The following BCL2L13 variants were observed in gnomAD, a reference collection of about 807,000 sequenced individuals.
The protein encoded by BCL2L13 is BCL2 like 13, also known as bcl-2-like protein 13.
BCL2L13 carries 13 observed loss-of-function variants against 25.8 expected under a neutral mutation model. That is an observed-to-expected ratio of 0.50 (90% CI 0.33 to 0.80). The LOEUF (loss-of-function observed/expected upper bound fraction) is 0.80, where lower values mean the gene tolerates loss of function less well. BCL2L13 is among the 30% of genes least tolerant of loss of function. BCL2L13 has a pLI of 0.02. For missense variants in BCL2L13, 504 were observed against 574.9 expected (o/e 0.88, Z 1.26); for synonymous variants, 244 against 230.3 (o/e 1.06, Z -0.54).
chr22:17,702,162 T>C (rs1459845039), intron 5 of BCL2L13, 81 bp from the exon 6 acceptor site: 2 of 1,087,170 alleles, frequency 1.8e-6, no homozygotes, highest in Admixed American at 2.7e-5. Flanking sequence ...CATTTAAATA[T>C]AATTTTCTAG....
chr22:17,645,734 G>T (rs574864462), intron 1 of BCL2L13, among the ~76,000 whole-genome samples: 1 of 151,476 alleles, frequency 6.6e-6, no homozygotes, highest in Non-Finnish European at 1.5e-5. Flanking sequence ...ATTTGTGGCT[G>T]GTTTTGGAGA....
intron 6 of BCL2L13, among the ~76,000 whole-genome samples, chr22:17,710,871 C>T (rs993522263): frequency 8.0e-5 from 12 of 150,488 alleles, no homozygotes; most frequent in Non-Finnish European, 1.5e-4. Flanking sequence ...AGCGAGACTC[C>T]GTCTCAAAAA....
At chr22:17,654,002 A>G (rs930480127) in intron 1 of BCL2L13, among the ~76,000 whole-genome samples, 5 of 152,058 alleles carry the variant, frequency 3.3e-5, no homozygotes, top group African/African-American at 1.2e-4. Context: ...CTGGTGATTT[A>G]TCATGTTTGT....
chr22:17,639,016 G>A (rs2058169168), intron 1 of BCL2L13, 130 bp downstream of exon 1: 1 of 730,382 alleles, frequency 1.4e-6, no homozygotes. Flanking sequence ...GAGTTTGAGT[G>A]TGTGTGTCTA....
chr22:17,662,013 AATT>A (rs1231319727), intron 2 of BCL2L13, among the ~76,000 whole-genome samples: 1 of 151,916 alleles, frequency 6.6e-6, no homozygotes, highest in East Asian at 1.9e-4. Flanking sequence ...AAAATTGCAT[AATT>A]ATTTTAAAAT....
chr22:17,639,017 T>G, intron 1 of BCL2L13, 131 bp downstream of exon 1: 1 of 723,210 alleles, frequency 1.4e-6, no homozygotes, highest in Admixed American at 4.3e-5. Flanking sequence ...AGTTTGAGTG[T>G]GTGTGTCTAC....
At chr22:17,673,241 C>A (rs933097622) in intron 2 of BCL2L13, among the ~76,000 whole-genome samples, 1 of 152,018 alleles carries the variant, frequency 6.6e-6, no homozygotes, top group African/African-American at 2.4e-5. Flanking sequence ...ATTCCTAGTT[C>A]TCAGTATCTC....
rs542969193 is a variant in BCL2L13 at position 17,642,760 on chromosome 22, AT to A, written c.-51+3882del. Among the ~76,000 whole-genome samples the A allele has an allele frequency of 4.8e-3, 723 of 151,522 alleles. 9 individuals are homozygous for A. The highest frequency in any genetic ancestry group is 0.017 in the African/African-American group (683 of 41,322). On this transcript the variant is annotated intron_variant, in intron 1 of 6. Transcript: ENST00000317582. ...GGGCACACACCACCATACCCAGCTA[AT>A]TTTTTTTGTATTTTTTGTAGAGATG...
rs117986610 is a variant in BCL2L13 at position 17,680,990 on chromosome 22, G to A, written c.122-2224G>A. Reference sequence around the variant, plus strand: ...TGAGAACGTATGGAAAAACACATTAGTGGGGTGGGGCCAAGTCCCATTTCC... The same window carrying A: ...TGAGAACGTATGGAAAAACACATTAATGGGGTGGGGCCAAGTCCCATTTCC... On this transcript the variant is annotated intron_variant, in intron 2 of 6. Transcript: ENST00000317582. 2.1e-3 allele frequency among the ~76,000 whole-genome samples: 326 copies of A among 152,162 alleles called. 7 individuals are homozygous for A. In the East Asian group the frequency reaches 0.046, roughly 22 times the overall value.
At chr22:17,662,480 AAAAC>A (rs575903896) in intron 2 of BCL2L13, among the ~76,000 whole-genome samples, 3 of 152,268 alleles carry the variant, frequency 2.0e-5, no homozygotes, top group South Asian at 4.1e-4. Context: ...TCCATCTCAA[AAAAC>A]AAACAAAAAA....
At chr22:17,644,603 T>A (rs1476205164) in intron 1 of BCL2L13, among the ~76,000 whole-genome samples, 1 of 151,374 alleles carries the variant, frequency 6.6e-6, no homozygotes, top group Non-Finnish European at 1.5e-5. Context: ...GTGCTGGGAT[T>A]ATAGGTATGA....
At chr22:17,685,762 T>A in intron 3 of BCL2L13, among the ~76,000 whole-genome samples, 1 of 56,290 alleles carries the variant, frequency 1.8e-5, no homozygotes, top group Non-Finnish European at 3.9e-5. Flanking sequence ...TTCTTTTTCT[T>A]TTTTTTTTTT....
chr22:17,658,116 G>A (rs891802470), intron 2 of BCL2L13, among the ~76,000 whole-genome samples: 30 of 150,892 alleles, frequency 2.0e-4, no homozygotes, highest in South Asian at 1.3e-3. Flanking sequence ...CACCACGCCC[G>A]GCCGACATTT....
intron 2 of BCL2L13, among the ~76,000 whole-genome samples, chr22:17,668,302 C>T (rs59528145): frequency 1.5e-3 from 232 of 150,656 alleles, no homozygotes; most frequent in African/African-American, 5.4e-3. Context: ...CGTGAGCCAC[C>T]GTGCCCTACC....
intron 2 of BCL2L13, among the ~76,000 whole-genome samples, chr22:17,682,763 A>G (rs781168391): frequency 6.6e-6 from 1 of 152,136 alleles, no homozygotes; most frequent in Non-Finnish European, 1.5e-5. Context: ...TTTGTTTTTT[A>G]ATTATTGCAA....
intron 5 of BCL2L13, among the ~76,000 whole-genome samples, chr22:17,696,514 G>C (rs902316193): frequency 6.6e-6 from 1 of 152,134 alleles, no homozygotes; most frequent in East Asian, 1.9e-4. Context: ...TTATTAACAT[G>C]TGAGTGTGTC....
chr22:17,668,871 T>G (rs2059323859), intron 2 of BCL2L13, among the ~76,000 whole-genome samples: 1 of 152,192 alleles, frequency 6.6e-6, no homozygotes, highest in South Asian at 2.1e-4. Flanking sequence ...ATATTGTAAC[T>G]TAGCTCCCAA....
At chr22:17,635,669 A>C (rs1601434136), upstream of BCL2L13, among the ~76,000 whole-genome samples, 1 of 152,014 alleles carries the variant, frequency 6.6e-6, no homozygotes, top group East Asian at 1.9e-4. Context: ...TGAGGCTAGG[A>C]GTTTCTGAGC....
chr22:17,636,581 G>C (rs1445518665), upstream of BCL2L13, among the ~76,000 whole-genome samples: 1 of 151,992 alleles, frequency 6.6e-6, no homozygotes, highest in Non-Finnish European at 1.5e-5. Flanking sequence ...CCAAGGCCAA[G>C]AGTTGGAGAC....
Sources: allele counts gnomAD v4.1 joint callset (sites outside exome capture counted in the v4.1 genomes callset), GRCh38; gene constraint gnomAD v4.1.1; transcripts MANE v1.5; gene names NCBI Gene and HGNC (gene_info 2026-07-23, HGNC 2026-07-21).